The following ABCA12 variants were observed in gnomAD, a reference collection of about 807,000 sequenced individuals.
ABCA12 encodes ATP binding cassette subfamily A member 12.
ABCA12 carries 156 observed loss-of-function variants against 293.5 expected under a neutral mutation model. The ratio of observed to expected loss-of-function variants is 0.53; its 90% CI spans 0.47 to 0.61. The LOEUF is 0.61. Among genes scored for constraint, ABCA12 ranks in the 20% least tolerant of loss-of-function variants. The probability of loss-of-function intolerance (pLI) is 0.00; values close to 1 mark genes in which losing one functional copy is unlikely to be tolerated. For synonymous variants in ABCA12, 1,063 were observed against 1,108.0 expected, an observed-to-expected ratio of 0.96 and a Z score of 0.81; for missense variants, 2,797 against 3,090.2, an observed-to-expected ratio of 0.91 and a Z score of 2.25.
chr2:215,015,340 T>C (rs1700469068), intron 15 of ABCA12, 150 bp downstream of exon 15: 1 of 786,448 alleles, frequency 1.3e-6, no homozygotes, highest in African/African-American at 1.7e-5. Flanking sequence ...AAATGATCTC[T>C]AAGGTTGCAT....
At chr2:215,089,963 G>A (rs1702108676) in intron 2 of ABCA12, among the ~76,000 whole-genome samples, 1 of 152,118 alleles carries the variant, frequency 6.6e-6, no homozygotes. Flanking sequence ...GCCCAAGCCT[G>A]CCTGTATATA....
intron 2 of ABCA12, among the ~76,000 whole-genome samples, chr2:215,094,656 C>A (rs980284758): frequency 1.3e-5 from 2 of 152,200 alleles, no homozygotes; most frequent in Non-Finnish European, 1.5e-5. Context: ...TCCCCTTGTT[C>A]TTCAGACTCT....
chr2:214,976,392 C>A (rs952226695), intron 33 of ABCA12, among the ~76,000 whole-genome samples: 38 of 152,272 alleles, frequency 2.5e-4, no homozygotes, highest in African/African-American at 7.2e-4. Context: ...TCAATGCAGA[C>A]CCAGTATATA....
chr2:215,026,947 T>C lies in ABCA12; in HGVS notation c.1062-9A>G. 1 of 1,531,194 alleles carries C rather than the reference T, an allele frequency of 6.5e-7. No homozygotes were observed. The highest frequency in any genetic ancestry group is 9.0e-7 in the Non-Finnish European group (1 of 1,105,012). 94.9% of individuals were successfully genotyped at this position (1,531,194 alleles called of 1,614,324 possible). ...TTTCCAGAATTAGGAGCCTGCAGAA[T>C]TAGAAAAGAATATAGAAATTAAGAC... On this transcript the variant is annotated splice_polypyrimidine_tract_variant and intron_variant, in intron 9 of 52. Coordinates refer to ENST00000272895, the MANE Select transcript of ABCA12 (RefSeq NM_173076.3).
intron 24 of ABCA12, 26 bp from the exon 25 acceptor site, chr2:214,989,647 T>C (rs1221177078): frequency 6.2e-7 from 1 of 1,611,890 alleles, no homozygotes; most frequent in Admixed American, 1.7e-5. Context: ...ACGGCAATGA[T>C]AGTTCTTGTA....
intron 30 of ABCA12, among the ~76,000 whole-genome samples, chr2:214,981,522 C>T (rs1035736186): frequency 6.6e-6 from 1 of 152,104 alleles, no homozygotes; most frequent in Non-Finnish European, 1.5e-5. Flanking sequence ...GTTGGATTTG[C>T]ATGCTCTCAA....
intron 2 of ABCA12, among the ~76,000 whole-genome samples, chr2:215,066,035 A>T (rs1351279701): frequency 6.6e-6 from 1 of 152,090 alleles, no homozygotes; most frequent in Non-Finnish European, 1.5e-5. Context: ...ATTTCCCACA[A>T]TGTTTTCACT....
chr2:215,009,673 G>A (rs13397842), intron 18 of ABCA12, among the ~76,000 whole-genome samples: 29,953 of 151,982 alleles, frequency 0.2, 4,788 homozygotes, highest in African/African-American at 0.43. Flanking sequence ...TAAAAATAAT[G>A]TTATGTTCAT....
intron 2 of ABCA12, among the ~76,000 whole-genome samples, chr2:215,065,297 T>TAAAAAAAAAAAAAAAA (rs66466863): frequency 8.9e-5 from 4 of 45,126 alleles, no homozygotes; most frequent in African/African-American, 3.5e-4. Flanking sequence ...CATGAATGTG[T>TAAAAAAAAAAAAAAAA]AAAAAAAAAA....
At position 215,138,604 on chromosome 2, in the gene ABCA12, C is replaced by T. The variant is rs1014625320; in HGVS notation, c.-396G>A. Among the ~76,000 whole-genome samples the T allele has an allele frequency of 6.6e-6, 1 of 151,564 alleles. No homozygotes were observed. The highest frequency in any genetic ancestry group is 2.4e-5 in the African/African-American group (1 of 41,274). On this transcript the variant is annotated 5_prime_UTR_variant, in exon 1 of 53. It removes an upstream start codon present in the reference 5' UTR. Transcript: ENST00000272895. The stretch of plus-strand genomic sequence containing the variant: ...AGCTGAACCCACACCTCCTACTCTC[C>T]ATGAAATTAATTGCCTATCCACACC...
At chr2:215,092,375 C>G (rs188466278) in intron 2 of ABCA12, among the ~76,000 whole-genome samples, 1 of 151,944 alleles carries the variant, frequency 6.6e-6, no homozygotes, top group Non-Finnish European at 1.5e-5. Context: ...CAAAATTATC[C>G]GCTACTCTGT....
At chr2:215,005,381 T>C (rs1158281251) in intron 19 of ABCA12, among the ~76,000 whole-genome samples, 2 of 152,242 alleles carry the variant, frequency 1.3e-5, no homozygotes, top group Non-Finnish European at 2.9e-5. Flanking sequence ...TCTCATGTCC[T>C]TCTTACCAGT....
chr2:215,054,776 T>C (rs529799256), intron 3 of ABCA12, 112 bp from the exon 4 acceptor site: 18 of 786,272 alleles, frequency 2.3e-5, no homozygotes, highest in Non-Finnish European at 3.9e-5. Context: ...ATATTTAATA[T>C]AGTTTCCAGG....
chr2:214,959,313 G>A (rs1312389837), intron 39 of ABCA12, among the ~76,000 whole-genome samples: 2 of 151,972 alleles, frequency 1.3e-5, no homozygotes, highest in African/African-American at 4.8e-5. Context: ...CCTTTGGGAA[G>A]GGAGCAAGAA....
chr2:214,939,832 A>G (rs933568199), intron 50 of ABCA12, among the ~76,000 whole-genome samples: 1 of 152,186 alleles, frequency 6.6e-6, no homozygotes, highest in Non-Finnish European at 1.5e-5. Context: ...GACTTTGCTG[A>G]AGTTGCTTAT....
At chr2:215,087,487 C>CGTGTGTGTGTGT (rs3050135) in intron 2 of ABCA12, among the ~76,000 whole-genome samples, 6,148 of 149,560 alleles carry the variant, frequency 0.041, 412 homozygotes, top group African/African-American at 0.14. Context: ...ATACAGGCTT[C>CGTGTGTGTGTGT]GTGTGTGTGT....
At chr2:215,122,377 C>G (rs1045596980) in intron 1 of ABCA12, among the ~76,000 whole-genome samples, 1 of 152,064 alleles carries the variant, frequency 6.6e-6, no homozygotes, top group Non-Finnish European at 1.5e-5. Context: ...TGTGCAGGAC[C>G]CAGTTTATTT....
At chr2:214,984,833 C>T (rs1371276411) in intron 28 of ABCA12, among the ~76,000 whole-genome samples, 2 of 152,154 alleles carry the variant, frequency 1.3e-5, no homozygotes, top group Admixed American at 6.5e-5. Context: ...TCACTCTAAG[C>T]TCCTAACTCT....
At chr2:215,028,287 A>G (rs952669056) in intron 9 of ABCA12, among the ~76,000 whole-genome samples, 3 of 152,230 alleles carry the variant, frequency 2.0e-5, no homozygotes, top group Non-Finnish European at 4.4e-5. Context: ...TGGGTTAACA[A>G]CACTGGATCC....
Sources: allele counts gnomAD v4.1 joint callset (sites outside exome capture counted in the v4.1 genomes callset), GRCh38; gene constraint gnomAD v4.1.1; transcripts MANE v1.5; gene names NCBI Gene and HGNC (gene_info 2026-07-23, HGNC 2026-07-21).